COL3A1: variants seen among roughly 807,000 people sequenced by gnomAD.
COL3A1 encodes collagen type III alpha 1 chain.
COL3A1 carries 46 observed loss-of-function variants against 200.9 expected under a neutral mutation model. The ratio of observed to expected loss-of-function variants is 0.23; its 90% CI spans 0.18 to 0.29. The LOEUF is 0.29. COL3A1 is among the 10% of genes least tolerant of loss of function. The pLI is 1.00. For missense variants in COL3A1, 1,367 were observed against 1,917.6 expected (o/e 0.71, Z 5.36); for synonymous variants, 650 against 628.0 (o/e 1.03, Z -0.52).
At chr2:189,010,035 T>C in intron 48 of COL3A1, 143 bp from the exon 49 acceptor site, 2 of 761,274 alleles carry the variant, frequency 2.6e-6, no homozygotes, top group Non-Finnish European at 4.3e-6. Context: ...GCAATTTCAA[T>C]CAAAAAGCTT....
chr2:189,006,314 G>A (rs758119081), intron 42 of COL3A1, 31 bp from the exon 43 acceptor site: 2 of 1,613,668 alleles, frequency 1.2e-6, no homozygotes, highest in East Asian at 2.2e-5. Flanking sequence ...TGATCATCAT[G>A]TTTATTTTGT....
At chr2:188,997,127 C>T in intron 24 of COL3A1, 38 bp from the exon 25 acceptor site, 1 of 1,587,566 alleles carries the variant, frequency 6.3e-7, no homozygotes, top group Non-Finnish European at 8.6e-7. Context: ...AGTTATTGCC[C>T]TTTGAGGATT....
At chr2:189,010,386 T>G in intron 49 of COL3A1, 21 bp downstream of exon 49, 5 of 1,612,632 alleles carry the variant, frequency 3.1e-6, no homozygotes, top group Non-Finnish European at 4.2e-6. Context: ...ATATACCTTT[T>G]TTTAAATAAG....
Position 188,996,387 on chromosome 2 carries a change from T to A in COL3A1, c.1663-11T>A. ...TATCAAACCTTTATTAATGTAATTTTTTCTTATTAGGGAAGTCAAGGAGAA... is the reference window on the plus strand; with the variant it reads ...TATCAAACCTTTATTAATGTAATTTATTCTTATTAGGGAAGTCAAGGAGAA... On this transcript the variant is annotated splice_polypyrimidine_tract_variant and intron_variant, in intron 23 of 50. Coordinates refer to ENST00000304636, the MANE Select transcript of COL3A1 (RefSeq NM_000090.4). The A allele has an allele frequency of 6.2e-7, 1 of 1,609,088 alleles. No homozygotes were observed. The highest frequency in any genetic ancestry group is 1.1e-5 in the South Asian group (1 of 90,922).
chr2:189,012,493 G>T lies in COL3A1; in HGVS notation c.*719G>T, dbSNP rs1688749895. The T allele has an allele frequency of 6.6e-6, 1 of 152,538 alleles. No homozygotes were observed. The highest frequency in any genetic ancestry group is 2.4e-5 in the African/African-American group (1 of 41,434). 9.4% of individuals were successfully genotyped at this position (152,538 alleles called of 1,614,324 possible). On this transcript the variant is annotated 3_prime_UTR_variant, in exon 51 of 51. Coordinates refer to ENST00000304636, the MANE Select transcript of COL3A1 (RefSeq NM_000090.4). ...ACTTTCACTTTTAAACTCTAGATCA[G>T]AATTGTTGACTTGCATTCAGAACAT...
chr2:188,984,669 T>C, intron 1 of COL3A1, 91 bp from the exon 2 acceptor site: 1 of 1,098,174 alleles, frequency 9.1e-7, no homozygotes, highest in Non-Finnish European at 1.4e-6. Flanking sequence ...CCTTTTCAAC[T>C]TTGGCTATTG....
intron 14 of COL3A1, 97 bp downstream of exon 14, chr2:188,992,325 A>G: frequency 1.0e-6 from 1 of 999,868 alleles, no homozygotes; most frequent in Non-Finnish European, 1.5e-6. Flanking sequence ...TCTTAGGTAT[A>G]TATATATGCA....
chr2:189,009,564 T>C (rs1037736255), intron 48 of COL3A1, among the ~76,000 whole-genome samples: 3 of 152,200 alleles, frequency 2.0e-5, no homozygotes, highest in African/African-American at 7.2e-5. Context: ...TTGTAATATT[T>C]ACTTATTGCA....
chr2:189,003,150 T>C, intron 36 of COL3A1, 88 bp downstream of exon 36: 1 of 1,111,228 alleles, frequency 9.0e-7, no homozygotes, highest in Non-Finnish European at 1.3e-6. Context: ...TCTCTCCCTC[T>C]CCCCCCTCTG....
At chr2:189,008,267 A>G (rs1285732369) in intron 47 of COL3A1, 125 bp downstream of exon 47, 4 of 820,544 alleles carry the variant, frequency 4.9e-6, no homozygotes, top group Admixed American at 4.0e-5. Flanking sequence ...TAGAAACTGA[A>G]CAATGACTTT....
intron 26 of COL3A1, 119 bp from the exon 27 acceptor site, chr2:188,997,581 G>T: frequency 8.3e-7 from 1 of 1,209,286 alleles, no homozygotes; most frequent in Non-Finnish European, 1.2e-6. Flanking sequence ...TTGGGTCCAG[G>T]TCCTCCCTTT....
At chr2:189,006,785 C>T in intron 43 of COL3A1, 152 bp from the exon 44 acceptor site, 1 of 871,334 alleles carries the variant, frequency 1.1e-6, no homozygotes, top group Non-Finnish European at 1.8e-6. Flanking sequence ...AGGGCTTTAG[C>T]ACTTTGAAGG....
intron 29 of COL3A1, among the ~76,000 whole-genome samples, 200 bp from the exon 30 acceptor site, chr2:188,999,085 C>A (rs1688392904): frequency 6.6e-6 from 1 of 152,206 alleles, no homozygotes; most frequent in African/African-American, 2.4e-5. Flanking sequence ...CTTAACCAGA[C>A]TAAGTATCCA....
At chr2:188,979,100 C>T (rs1687894084) in intron 1 of COL3A1, among the ~76,000 whole-genome samples, 1 of 151,868 alleles carries the variant, frequency 6.6e-6, no homozygotes, top group South Asian at 2.1e-4. Context: ...AAGATGTAAA[C>T]ATCAAAGAGA....
intron 11 of COL3A1, 53 bp downstream of exon 11, chr2:188,991,110 G>A (rs749715923): frequency 2.6e-6 from 4 of 1,550,548 alleles, no homozygotes; most frequent in Non-Finnish European, 3.6e-6. Flanking sequence ...AAATATTAAA[G>A]CTACATATAA....
chr2:188,994,708 CTT>C lies in COL3A1; in HGVS notation c.1348-5_1348-4del, dbSNP rs758567906. ...AGTCATAATTTCTTTATTTTACCAT[CTT>C]TTTTTTTTTTCAGGGTGAGGCTGGT... On this transcript the variant is annotated splice_polypyrimidine_tract_variant and intron_variant, in intron 19 of 50. Transcript: ENST00000304636. The surrounding 1 kb of genome is among the most constrained non-coding windows in gnomAD (Gnocchi z 4.5). 1.5e-4 allele frequency: 202 copies of C among 1,349,784 alleles called. No homozygotes were observed. The highest frequency in any genetic ancestry group is 2.3e-4 in the South Asian group (18 of 79,116). The allele number at this position is 1,349,784 out of a possible 1,614,324, so 83.6% of individuals were successfully genotyped here. A position where few individuals can be genotyped will look rare whatever the true frequency, so the allele number is the denominator to read the frequency against.
At chr2:188,977,682 G>A (rs190108126) in intron 1 of COL3A1, among the ~76,000 whole-genome samples, 1 of 151,932 alleles carries the variant, frequency 6.6e-6, no homozygotes, top group African/African-American at 2.4e-5. Flanking sequence ...CCAATATTCT[G>A]TTCAGTCTTA....
chr2:188,990,504 T>C (rs958097110), intron 10 of COL3A1, 144 bp downstream of exon 10: 1 of 791,924 alleles, frequency 1.3e-6, no homozygotes. Context: ...CTAAGTTTGT[T>C]TGTTGACCAA....
chr2:188,974,502 G>C lies in COL3A1; in HGVS notation c.13G>C (p.Val5Leu). The C allele has an allele frequency of 6.2e-7, 1 of 1,613,944 alleles. No individual in the cohort carries two copies. The highest frequency in any genetic ancestry group is 8.5e-7 in the Non-Finnish European group (1 of 1,179,898). ...CTGATATTTAGACATGATGAGCTTT[G>C]TGCAAAAGGGGAGCTGGCTACTTCT... MMSFVQKGSWLLLAL... is the reference protein window; with the variant it reads MMSFLQKGSWLLLAL... Residue 5 changes from valine (V) to leucine (L), a missense_variant, in exon 1 of 51, where the codon GTG (valine) becomes CTG (leucine). Physicochemically the swap from Val to Leu is conservative, Grantham distance 32 (BLOSUM62 1). This residue lies in a region of COL3A1 where 55 missense variants were observed against 51.5 expected (regional missense o/e 1.07). Transcript: ENST00000304636.
Sources: allele counts gnomAD v4.1 joint callset (sites outside exome capture counted in the v4.1 genomes callset), GRCh38; gene constraint gnomAD v4.1.1; regional missense constraint gnomAD v4.1.1; non-coding constraint Gnocchi (gnomAD v3.1); transcripts MANE v1.5; gene names NCBI Gene and HGNC (gene_info 2026-07-23, HGNC 2026-07-21).